DSG1: variants seen among roughly 807,000 people sequenced by gnomAD.
DSG1 encodes desmoglein-1.
A neutral mutation model predicts 97.5 loss-of-function variants in DSG1; 39 were observed. The ratio of observed to expected loss-of-function variants is 0.40; its 90% CI spans 0.31 to 0.52. The LOEUF is 0.52. Ranked by LOEUF, DSG1 falls within the 20% of genes least tolerant of loss-of-function variation. The pLI, the probability that DSG1 is intolerant of heterozygous loss-of-function variation, is 0.53. For synonymous variants in DSG1, 475 were observed against 443.4 expected, an observed-to-expected ratio of 1.07 and a Z score of -0.90; for missense variants, 1,311 against 1,295.4, an observed-to-expected ratio of 1.01 and a Z score of -0.18.
rs1216992838 is a variant in DSG1 at position 31,333,743 on chromosome 18, A to G, written c.819+20A>G. On this transcript the variant is annotated intron_variant, in intron 7 of 14. Transcript: ENST00000257192. Reference sequence around the variant, plus strand: ...TCTTCAGTAAGTATTTGTTCTTGGAATTAATAAATCTAAATTCGCTATATT... The same window carrying G: ...TCTTCAGTAAGTATTTGTTCTTGGAGTTAATAAATCTAAATTCGCTATATT... 2 of 1,612,016 alleles carry G rather than the reference A, an allele frequency of 1.2e-6. No individual in the cohort carries two copies. Among genetic ancestry groups the G allele is most frequent in the Admixed American group, 3.3e-5 (2 of 60,000 alleles).
intron 8 of DSG1, among the ~76,000 whole-genome samples, 164 bp downstream of exon 8, chr18:31,334,366 T>C (rs2071739378): frequency 6.6e-6 from 1 of 152,146 alleles, no homozygotes; most frequent in Non-Finnish European, 1.5e-5. Context: ...ATATAGTCTT[T>C]CTGCTTATAA....
intron 10 of DSG1, among the ~76,000 whole-genome samples, chr18:31,338,728 C>CT (rs1445246075): frequency 6.6e-6 from 1 of 151,998 alleles, no homozygotes; most frequent in African/African-American, 2.4e-5. Context: ...GCTGTTGTCT[C>CT]TTTTTTAAAA....
chr18:31,352,802 C>G (rs1218159052), intron 14 of DSG1, among the ~76,000 whole-genome samples: 1 of 146,876 alleles, frequency 6.8e-6, no homozygotes, highest in African/African-American at 2.7e-5. Flanking sequence ...AGTTCTCGAG[C>G]CTTGGTTTTC....
chr18:31,334,012 T>C lies in DSG1; in HGVS notation c.820-5T>C, dbSNP rs887111701. 56 of 1,590,590 alleles carry C rather than the reference T, an allele frequency of 3.5e-5. No homozygotes were observed. Among genetic ancestry groups the C allele is most frequent in the Admixed American group, 1.0e-4 (6 of 59,948 alleles). On this transcript the variant is annotated splice_region_variant and splice_polypyrimidine_tract_variant and intron_variant, in intron 7 of 14. Coordinates refer to ENST00000257192, the MANE Select transcript of DSG1 (RefSeq NM_001942.4). ...TGTGCTAAGAGTTTTCACTTCTTGT[T>C]TCAGTATACCATAGAAATTCAAGAA...
intron 3 of DSG1, among the ~76,000 whole-genome samples, 198 bp downstream of exon 3, chr18:31,327,203 G>A (rs933242781): frequency 4.0e-5 from 6 of 151,844 alleles, no homozygotes; most frequent in Non-Finnish European, 5.9e-5. Flanking sequence ...ACAGGCAAAC[G>A]TTGACTCACC....
rs1238858943 is a variant in DSG1 at position 31,351,820 on chromosome 18, G to A, written c.2101-2477G>A. ...TGCCTTTTTTTGTTTTCCATTGGCT[G>A]GGTAGATCTTCCTCCACCCTTTTAT... On this transcript the variant is annotated intron_variant, in intron 14 of 14. Transcript: ENST00000257192. Among the ~76,000 whole-genome samples the A allele has an allele frequency of 2.6e-5, 4 of 151,876 alleles. No individual in the cohort carries two copies. The South Asian group carries it at 8.3e-4, about 32-fold the overall frequency.
At chr18:31,352,750 G>A (rs1211633840) in intron 14 of DSG1, among the ~76,000 whole-genome samples, 4 of 148,222 alleles carry the variant, frequency 2.7e-5, no homozygotes, top group African/African-American at 5.2e-5. Context: ...CCTTTCTTCC[G>A]GTTGATCACA....
chr18:31,326,480 A>C, intron 1 of DSG1, 101 bp from the exon 2 acceptor site: 1 of 952,524 alleles, frequency 1.0e-6, no homozygotes, highest in Non-Finnish European at 1.6e-6. Context: ...TTAATGACTC[A>C]CAAGCCTATG....
chr18:31,333,544 G>A (rs1293919250), intron 6 of DSG1, 45 bp from the exon 7 acceptor site: 17 of 1,612,556 alleles, frequency 1.1e-5, no homozygotes, highest in Non-Finnish European at 1.4e-5. Context: ...CAAAGTAAAG[G>A]CTGTCTACGT....
At chr18:31,328,159 C>G (rs1405538386) in intron 3 of DSG1, 30 bp from the exon 4 acceptor site, 4 of 1,612,094 alleles carry the variant, frequency 2.5e-6, no homozygotes, top group Non-Finnish European at 3.4e-6. Flanking sequence ...TTTGCTCCCT[C>G]TAATATTTTT....
rs561235693 is a variant in DSG1, at chr18:31,354,925, C to G, written c.2729C>G (p.Thr910Ser). 4.3e-6 allele frequency: 7 copies of G among 1,614,202 alleles called. No homozygotes were observed. The African/African-American group carries it at 8.0e-5, about 18-fold the overall frequency. The change falls in exon 15 of 15, where the codon ACT (threonine) becomes AGT (serine). Residue 910 changes from threonine to serine, a missense_variant. This residue lies in a region of DSG1 where 1,038 missense variants were observed against 964.6 expected (regional missense o/e 1.08). Transcript: ENST00000257192. Reference sequence around the variant, plus strand: ...AGCTCTAGTCTACCCACCTCTCTGACTATCCATCATCCTAGAGAGTCTTCA... The same window carrying G: ...AGCTCTAGTCTACCCACCTCTCTGAGTATCCATCATCCTAGAGAGTCTTCA... ...APSSSLPTSL[T>S]IHHPRESSNV...
Position 31,330,002 on chromosome 18 carries a change from A to G in DSG1, c.483A>G (p.Thr161=). The G allele has an allele frequency of 6.2e-7, 1 of 1,613,314 alleles. No homozygotes were observed. The highest frequency in any genetic ancestry group is 8.5e-7 in the Non-Finnish European group (1 of 1,179,354). ...NDNPPVFSMA[T]FAGQIEENSN... The stretch of plus-strand genomic sequence containing the variant: ...ACCCTCCAGTGTTTTCAATGGCTAC[A>G]TTTGCAGGACAAATAGAAGAAAATT... The change falls in exon 5 of 15, where the codon ACA becomes ACG. Residue 161 remains threonine (T), a synonymous_variant. Transcript: ENST00000257192.
At position 31,333,680 on chromosome 18, in the gene DSG1, T is replaced by G. The variant is rs2144095546; in HGVS notation, c.776T>G (p.Ile259Ser). Residue 259 changes from isoleucine (I) to serine (S), a missense_variant, in exon 7 of 15, where the codon ATC (isoleucine) becomes AGC (serine). Coordinates refer to ENST00000257192, the MANE Select transcript of DSG1 (RefSeq NM_001942.4). ...MSAECECNIK[I>S]LDVNDNIPYM... is the part of the protein sequence containing the mutation. ...GCGGAATGTGAGTGCAACATTAAAA[T>G]CCTCGATGTCAATGATAATATCCCT... 6.2e-7 allele frequency: 1 copy of G among 1,613,818 alleles called. No homozygotes were observed. The highest frequency in any genetic ancestry group is 1.7e-5 in the Admixed American group (1 of 59,990).
intron 3 of DSG1, among the ~76,000 whole-genome samples, 189 bp from the exon 4 acceptor site, chr18:31,328,000 A>G (rs554216628): frequency 6.6e-6 from 1 of 152,330 alleles, no homozygotes; most frequent in East Asian, 1.9e-4. Context: ...TTCTTTGATT[A>G]CATTGTCAGT....
Position 31,355,639 on chromosome 18 carries a change from T to C in DSG1, c.*293T>C, listed in dbSNP as rs566751343. ...CTCCAGCATGTAACTGGCCTTACGATGGCAATTGGCATCATTCTCCTTGCT... is the reference window on the plus strand; with the variant it reads ...CTCCAGCATGTAACTGGCCTTACGACGGCAATTGGCATCATTCTCCTTGCT... On this transcript the variant is annotated 3_prime_UTR_variant, in exon 15 of 15. Transcript: ENST00000257192. 1.2e-4 allele frequency: 50 copies of C among 418,680 alleles called. No homozygotes were observed. Among genetic ancestry groups the C allele is most frequent in the Admixed American group, 8.7e-4 (24 of 27,610 alleles). 25.9% of individuals were successfully genotyped at this position (418,680 alleles called of 1,614,324 possible). A position where few individuals can be genotyped will look rare whatever the true frequency, so the allele number is the denominator to read the frequency against.
At position 31,353,515 on chromosome 18, in the gene DSG1, T is replaced by G. The variant is rs938130327; in HGVS notation, c.2101-782T>G. On this transcript the variant is annotated intron_variant, in intron 14 of 14. Transcript: ENST00000257192. ...GGCTCCACCCAGTTCGAGCTTCCTGTCTGCTTTGTTTACCTAATCAAGCCT... is the reference window on the plus strand; with the variant it reads ...GGCTCCACCCAGTTCGAGCTTCCTGGCTGCTTTGTTTACCTAATCAAGCCT... Among the ~76,000 whole-genome samples, 155 of 152,026 alleles carry G rather than the reference T, an allele frequency of 1.0e-3. 2 individuals carry two copies. The highest frequency in any genetic ancestry group is 3.2e-3 in the African/African-American group (134 of 41,500).
intron 1 of DSG1, 66 bp downstream of exon 1, chr18:31,318,414 A>G: frequency 1.5e-6 from 2 of 1,304,112 alleles, no homozygotes; most frequent in East Asian, 4.6e-5. Context: ...AACTTTTTAG[A>G]AAATGTTAGT....
Position 31,336,604 on chromosome 18 carries a change from C to T in DSG1, c.1256C>T (p.Thr419Met), listed in dbSNP as rs139705270. 87 of 1,613,968 alleles carry T rather than the reference C, an allele frequency of 5.4e-5. No individual in the cohort carries two copies. The Admixed American group carries it at 7.8e-4, about 15-fold the overall frequency. ...ATDLDTGRPS[T>M]TVRYVMGNNP... ...GACCTGGACACAGGTAGACCTTCAA[C>T]GACTGTTAGGTAAGAATGAGATTTT... The change falls in exon 9 of 15, where the codon ACG becomes ATG. Residue 419 changes from threonine to methionine, a missense_variant. Coordinates refer to ENST00000257192, the MANE Select transcript of DSG1 (RefSeq NM_001942.4).
At chr18:31,323,829 C>T (rs1003705061) in intron 1 of DSG1, among the ~76,000 whole-genome samples, 3 of 152,064 alleles carry the variant, frequency 2.0e-5, no homozygotes, top group African/African-American at 4.8e-5. Context: ...CCTCAGAATT[C>T]ACTCTGCTCA....
Sources: gnomAD v4.1 joint callset for allele counts (sites outside exome capture counted in the v4.1 genomes callset) on GRCh38, gnomAD v4.1.1 for gene constraint, gnomAD v4.1.1 regional missense constraint, MANE v1.5 for transcripts, NCBI Gene and HGNC (gene_info 2026-07-23, HGNC 2026-07-21) for gene names.